The following RARB variants were observed in gnomAD, a reference collection of about 807,000 sequenced individuals.
RARB encodes retinoic acid receptor beta, also known as HBV-activated protein.
RARB carries 17 observed loss-of-function variants against 51.9 expected under a neutral mutation model. The observed-to-expected ratio is 0.33, with a 90% CI of 0.22 to 0.49. The LOEUF (loss-of-function observed/expected upper bound fraction) is 0.49, where lower values mean the gene tolerates loss of function less well. Ranked by LOEUF, RARB falls within the 20% of genes least tolerant of loss-of-function variation. The probability of loss-of-function intolerance (pLI) is 0.99; values close to 1 mark genes in which losing one functional copy is unlikely to be tolerated. For synonymous variants in RARB, 215 were observed against 195.4 expected (o/e 1.10, Z -0.84); for missense variants, 369 against 550.8 (o/e 0.67, Z 3.30).
chr3:25,541,418 A>G (rs537070417), intron 3 of RARB, among the ~76,000 whole-genome samples: 1 of 152,132 alleles, frequency 6.6e-6, no homozygotes, highest in Non-Finnish European at 1.5e-5. Flanking sequence ...GAGGACACAG[A>G]TTTTTGTCTT....
intron 4 of RARB, among the ~76,000 whole-genome samples, chr3:25,153,114 C>G (rs772702896): frequency 1.4e-5 from 2 of 145,844 alleles, no homozygotes; most frequent in Non-Finnish European, 3.0e-5. Flanking sequence ...ATAATCCAAA[C>G]CAACCAAGTA....
chr3:25,333,821 G>A (rs138708870), intron 5 of RARB, among the ~76,000 whole-genome samples: 1,853 of 151,946 alleles, frequency 0.012, 39 homozygotes, highest in African/African-American at 0.043. Context: ...GAACTTAAAC[G>A]GATTTACAAG....
At chr3:25,162,772 G>A (rs1018267988) in intron 4 of RARB, among the ~76,000 whole-genome samples, 1 of 152,072 alleles carries the variant, frequency 6.6e-6, no homozygotes, top group African/African-American at 2.4e-5. Context: ...CCTTTTTATG[G>A]TCAATCAATA....
chr3:25,122,539 G>A (rs1202793230), intron 3 of RARB, among the ~76,000 whole-genome samples: 1 of 152,120 alleles, frequency 6.6e-6, no homozygotes, highest in Non-Finnish European at 1.5e-5. Context: ...GCTTGTGGGT[G>A]TGTCCATGCT....
intron 4 of RARB, among the ~76,000 whole-genome samples, chr3:25,135,800 T>C (rs546323835): frequency 4.2e-4 from 64 of 152,034 alleles, no homozygotes; most frequent in African/African-American, 1.5e-3. Context: ...TAAGGACATA[T>C]CAATCAGGCA....
At chr3:25,215,275 G>T (rs993058645) in intron 5 of RARB, among the ~76,000 whole-genome samples, 1 of 152,194 alleles carries the variant, frequency 6.6e-6, no homozygotes, top group Non-Finnish European at 1.5e-5. Flanking sequence ...TTTGTAGACA[G>T]AAAAATTAAA....
In RARB at chr3:25,482,158, T is replaced by C. The variant is rs370348724; in HGVS notation, c.307-19024T>C. Among the ~76,000 whole-genome samples, 16 of 152,296 alleles carry C rather than the reference T, an allele frequency of 1.1e-4. 1 individual carries two copies. The highest frequency in any genetic ancestry group is 3.4e-3 in the Middle Eastern group (1 of 294). On this transcript the variant is annotated intron_variant, in intron 2 of 7. Transcript: ENST00000330688. Reference sequence around the variant, plus strand: ...TGGACATGTGGGGATGCTTAGCACATAGCAGCACATAATGCTATGGAAACA... The same window carrying C: ...TGGACATGTGGGGATGCTTAGCACACAGCAGCACATAATGCTATGGAAACA...
At chr3:24,840,713 C>T (rs1475019804) in intron 1 of RARB, among the ~76,000 whole-genome samples, 1 of 139,298 alleles carries the variant, frequency 7.2e-6, no homozygotes, top group African/African-American at 2.7e-5. Context: ...CCTACAGAAC[C>T]ATTTTCTTTA....
chr3:24,932,843 A>G (rs541699482), intron 2 of RARB, among the ~76,000 whole-genome samples: 2 of 152,200 alleles, frequency 1.3e-5, no homozygotes, highest in African/African-American at 4.8e-5. Context: ...GAATTCATGG[A>G]GGTGCTAATC....
At chr3:25,036,395 A>T (rs1349392435) in intron 2 of RARB, among the ~76,000 whole-genome samples, 2 of 152,284 alleles carry the variant, frequency 1.3e-5, no homozygotes, top group African/African-American at 4.8e-5. Context: ...TACCGTAAAA[A>T]TGTATAGCAT....
chr3:25,276,560 C>T (rs1703387112), intron 5 of RARB, among the ~76,000 whole-genome samples: 1 of 152,138 alleles, frequency 6.6e-6, no homozygotes, highest in Non-Finnish European at 1.5e-5. Context: ...TAGGAAACTA[C>T]TCAAAGAAAT....
chr3:25,177,528 A>T (rs754026667), intron 5 of RARB, among the ~76,000 whole-genome samples: 29 of 152,212 alleles, frequency 1.9e-4, no homozygotes, highest in Non-Finnish European at 3.1e-4. Flanking sequence ...TCTGCAGCTC[A>T]CTAGAAAGAA....
At chr3:25,103,517 T>C (rs1203886529) in intron 3 of RARB, among the ~76,000 whole-genome samples, 1 of 152,210 alleles carries the variant, frequency 6.6e-6, no homozygotes, top group Non-Finnish European at 1.5e-5. Context: ...TTCAGGATAA[T>C]TTTAAAAGCG....
At chr3:25,004,296 A>G (rs1310433848) in intron 2 of RARB, among the ~76,000 whole-genome samples, 2 of 152,154 alleles carry the variant, frequency 1.3e-5, no homozygotes, top group Non-Finnish European at 2.9e-5. Context: ...ATCAAATAGG[A>G]TTTAGTGAAA....
intron 2 of RARB, among the ~76,000 whole-genome samples, chr3:24,940,091 CTATT>C (rs1410105488): frequency 2.6e-5 from 4 of 152,240 alleles, no homozygotes; most frequent in East Asian, 3.9e-4. Context: ...AAACCCTTCA[CTATT>C]TATTTCAGTA....
intron 1 of RARB, among the ~76,000 whole-genome samples, chr3:25,442,076 T>C (rs577678592): frequency 6.6e-6 from 1 of 152,062 alleles, no homozygotes; most frequent in South Asian, 2.1e-4. Flanking sequence ...TGAAATGCGG[T>C]TAATACAGCT....
chr3:25,245,664 A>G (rs1702541508), intron 5 of RARB, among the ~76,000 whole-genome samples: 1 of 152,166 alleles, frequency 6.6e-6, no homozygotes, highest in African/African-American at 2.4e-5. Context: ...GTTTCTGAAG[A>G]GAGATCTGCT....
intron 5 of RARB, among the ~76,000 whole-genome samples, chr3:25,316,453 C>T (rs1365582836): frequency 6.6e-6 from 1 of 151,472 alleles, no homozygotes; most frequent in Non-Finnish European, 1.5e-5. Flanking sequence ...AGGATTAAGG[C>T]AAGAAACAGA....
At chr3:25,252,049 G>A (rs1702735919) in intron 5 of RARB, among the ~76,000 whole-genome samples, 1 of 151,898 alleles carries the variant, frequency 6.6e-6, no homozygotes, top group African/African-American at 2.4e-5. Context: ...TGTGAGATAG[G>A]GGTCTAATCT....
Sources: gnomAD v4.1 joint callset for allele counts (sites outside exome capture counted in the v4.1 genomes callset) on GRCh38, gnomAD v4.1.1 for gene constraint, MANE v1.5 for transcripts, NCBI Gene and HGNC (gene_info 2026-07-23, HGNC 2026-07-21) for gene names.